Variants in MICAL3 observed in about 807,000 individuals in gnomAD.
The protein encoded by MICAL3 is [F-actin]-monooxygenase MICAL3.
Under a neutral mutation model 207.4 loss-of-function variants are expected in MICAL3, and 62 were observed. The ratio of observed to expected loss-of-function variants is 0.30; its 90% confidence interval spans 0.24 to 0.37. The LOEUF (loss-of-function observed/expected upper bound fraction) is 0.37. MICAL3 is among the 10% of genes least tolerant of loss of function. The probability of loss-of-function intolerance (pLI) is 1.00; values close to 1 mark genes in which losing one functional copy is unlikely to be tolerated. For synonymous variants in MICAL3, 1,077 were observed against 1,069.3 expected (o/e 1.01, Z -0.14); for missense variants, 2,368 against 2,635.6 (o/e 0.90, Z 2.22).
At chr22:17,821,976 T>G (rs138160873) in intron 24 of MICAL3, 54 bp downstream of exon 24, 17 of 1,594,944 alleles carry the variant, frequency 1.1e-5, no homozygotes, top group Non-Finnish European at 1.5e-5. Flanking sequence ...CTTGTGTGCA[T>G]ATGGCCCTCG....
At chr22:17,887,005 A>G (rs1193470690) in intron 15 of MICAL3, among the ~76,000 whole-genome samples, 165 bp downstream of exon 15, 7 of 147,752 alleles carry the variant, frequency 4.7e-5, no homozygotes, top group East Asian at 1.9e-4. Flanking sequence ...AAAAAAAAAA[A>G]AAAAAAAAAA....
chr22:17,857,493 C>A (rs1028425698), intron 19 of MICAL3, among the ~76,000 whole-genome samples: 2 of 152,224 alleles, frequency 1.3e-5, no homozygotes, highest in South Asian at 4.1e-4. Context: ...ACACGGCCTG[C>A]GGCGTGGCTC....
chr22:17,946,961 T>C (rs192022313), intron 1 of MICAL3, among the ~76,000 whole-genome samples: 9 of 152,342 alleles, frequency 5.9e-5, no homozygotes, highest in Middle Eastern at 3.4e-3. Context: ...AGGGCCCTGC[T>C]ATCGCCTCTC....
intron 27 of MICAL3, 34 bp from the exon 28 acceptor site, chr22:17,810,847 TGCACGGA>T: frequency 6.4e-7 from 1 of 1,560,786 alleles, no homozygotes; most frequent in Non-Finnish European, 8.8e-7. Context: ...CTCAGTCAGG[TGCACGGA>T]GGCCTGGGAC....
chr22:17,930,662 G>A (rs189811044), intron 1 of MICAL3, among the ~76,000 whole-genome samples: 116 of 152,352 alleles, frequency 7.6e-4, no homozygotes, highest in African/African-American at 2.6e-3. Flanking sequence ...TGGGACTTGG[G>A]ACCCTGATCT....
At chr22:17,849,643 AATGTGTGTGTGTGTGTGTGTGTGTGT>A (rs1268241490) in intron 19 of MICAL3, among the ~76,000 whole-genome samples, 16 of 120,234 alleles carry the variant, frequency 1.3e-4, no homozygotes, top group Non-Finnish European at 2.7e-4. Context: ...CCCAGAATGG[AATGTGTGTGTGTGTGTGTGTGTGTGT>A]GTGTGTGTGT....
At chr22:17,794,363 G>A (rs1413214668) in intron 29 of MICAL3, among the ~76,000 whole-genome samples, 2 of 152,250 alleles carry the variant, frequency 1.3e-5, no homozygotes, top group African/African-American at 2.4e-5. Flanking sequence ...CCAGACCCAC[G>A]TGGAATCCTC....
At position 17,948,387 on chromosome 22, in the gene MICAL3, G is replaced by A. The variant is rs189609864; in HGVS notation, c.-74-41501C>T. ...GCTTGTTTTGTGCAGCATGGATACC[G>A]GGGGGCCATGATGGTGTCCCGAGGC... On this transcript the variant is annotated intron_variant, in intron 1 of 31. Transcript: ENST00000441493. 3.5e-3 allele frequency among the ~76,000 whole-genome samples: 533 copies of A among 152,270 alleles called. 3 individuals are homozygous for A. Among genetic ancestry groups the A allele is most frequent in the African/African-American group, 0.012 (499 of 41,546 alleles).
chr22:17,957,949 A>G (rs538765597), intron 1 of MICAL3, among the ~76,000 whole-genome samples: 50 of 152,246 alleles, frequency 3.3e-4, no homozygotes, highest in Admixed American at 7.2e-4. Context: ...CTGAGAAAAG[A>G]GCAGAGCTTT....
chr22:17,899,434 A>T lies in MICAL3; in HGVS notation c.948+14T>A. ...TTCAATAAGAAAGAGTTTTGAAGGAAATCCGTGGCTCACATGTAGTATCAC... is the reference window on the plus strand; with the variant it reads ...TTCAATAAGAAAGAGTTTTGAAGGATATCCGTGGCTCACATGTAGTATCAC... On this transcript the variant is annotated intron_variant, in intron 7 of 31. Coordinates refer to ENST00000441493, the MANE Select transcript of MICAL3 (RefSeq NM_015241.3). 6.5e-7 allele frequency: 1 copy of T among 1,545,862 alleles called. No individual in the cohort carries two copies. Among genetic ancestry groups the T allele is most frequent in the Non-Finnish European group, 8.9e-7 (1 of 1,123,992 alleles).
At chr22:17,811,927 T>C (rs1343691857) in intron 27 of MICAL3, among the ~76,000 whole-genome samples, 1 of 152,088 alleles carries the variant, frequency 6.6e-6, no homozygotes, top group Non-Finnish European at 1.5e-5. Flanking sequence ...ACAATTTTTT[T>C]TTGCAGAGAC....
intron 16 of MICAL3, among the ~76,000 whole-genome samples, chr22:17,877,210 A>C (rs1403359068): frequency 1.4e-4 from 15 of 104,990 alleles, no homozygotes; most frequent in Admixed American, 2.7e-4. Context: ...GAGGTTATGG[A>C]GGTTATGGAG....
At chr22:17,980,912 G>T in intron 1 of MICAL3, 1 of 533,394 alleles carries the variant, frequency 1.9e-6, no homozygotes. Context: ...CTTTCGCTGG[G>T]CCTGCCCCGG....
Position 17,895,276 on chromosome 22 carries a change from G to A in MICAL3, c.1449+8C>T, listed in dbSNP as rs1452080686. On this transcript the variant is annotated splice_region_variant and intron_variant, in intron 10 of 31. Transcript: ENST00000441493. ...GCCCAGATGTAAATACTGACAAGAA[G>A]GTCTTACCTGGCTTGGCCGGAGGAA... 5 of 1,613,100 alleles carry A rather than the reference G, an allele frequency of 3.1e-6. No individual in the cohort carries two copies. The highest frequency in any genetic ancestry group is 4.2e-6 in the Non-Finnish European group (5 of 1,179,522).
Position 17,818,384 on chromosome 22 carries a change from G to A in MICAL3, c.4277C>T (p.Ser1426Phe). ...GGAGCTCCCGTGCAGGCCCAGGCCA[G>A]AGCTGCTGGACAGCTCCCTGCGCTC... is the stretch of plus-strand genomic sequence containing the variant. ...QEERRELSSS[S>F]GLGLHGSSSN... The change falls in exon 26 of 32, where the codon TCT becomes TTT. Residue 1426 changes from serine to phenylalanine, a missense_variant. Ser to Phe is a radical substitution (Grantham distance 155). This residue lies in a region of MICAL3 where 1,770 missense variants were observed against 1,863.2 expected (regional missense o/e 0.95). Coordinates refer to ENST00000441493, the MANE Select transcript of MICAL3 (RefSeq NM_015241.3). 6.2e-7 allele frequency: 1 copy of A among 1,609,052 alleles called. No individual in the cohort carries two copies. Among genetic ancestry groups the A allele is most frequent in the African/African-American group, 1.3e-5 (1 of 75,050 alleles).
intron 1 of MICAL3, among the ~76,000 whole-genome samples, chr22:18,013,743 G>C (rs1361284344): frequency 6.6e-6 from 1 of 152,116 alleles, no homozygotes; most frequent in African/African-American, 2.4e-5. Context: ...GGCACTTTTA[G>C]TCCAAAGATT....
intron 3 of MICAL3, among the ~76,000 whole-genome samples, chr22:17,904,332 G>A (rs1289692714): frequency 6.6e-6 from 1 of 152,184 alleles, no homozygotes; most frequent in Admixed American, 6.5e-5. Flanking sequence ...CTGCCCCAGT[G>A]CCCATCCCAC....
chr22:17,831,528 T>A (rs1321428837), intron 21 of MICAL3, among the ~76,000 whole-genome samples: 1 of 152,204 alleles, frequency 6.6e-6, no homozygotes, highest in Non-Finnish European at 1.5e-5. Context: ...TTTTTTCAAC[T>A]GAAACTACAG....
At chr22:17,946,778 G>A (rs1450115506) in intron 1 of MICAL3, among the ~76,000 whole-genome samples, 1 of 152,190 alleles carries the variant, frequency 6.6e-6, no homozygotes, top group Admixed American at 6.5e-5. Context: ...TACTCCAAGT[G>A]TGCACATCAC....
Sources: allele counts gnomAD v4.1 joint callset (sites outside exome capture counted in the v4.1 genomes callset), GRCh38; gene constraint gnomAD v4.1.1; regional missense constraint gnomAD v4.1.1; transcripts MANE v1.5; gene names NCBI Gene and HGNC (gene_info 2026-07-23, HGNC 2026-07-21).